AMZ2: variants seen among roughly 807,000 people sequenced by gnomAD.
AMZ2 encodes archaelysin family metallopeptidase 2, also known as archaemetzincin-2.
Under a neutral mutation model 36.7 loss-of-function variants are expected in AMZ2, and 26 were observed. That is an observed-to-expected ratio of 0.71 (90% CI 0.52 to 0.98). The LOEUF (loss-of-function observed/expected upper bound fraction) is 0.98. Ranked by LOEUF, AMZ2 falls within the 50% of genes least tolerant of loss-of-function variation. The probability of loss-of-function intolerance (pLI) is 0.00; values close to 1 mark genes in which losing one functional copy is unlikely to be tolerated. For synonymous variants in AMZ2, 144 were observed against 149.1 expected, an observed-to-expected ratio of 0.97 and a Z score of 0.25; for missense variants, 394 against 430.5, an observed-to-expected ratio of 0.92 and a Z score of 0.75.
intron 1 of AMZ2, among the ~76,000 whole-genome samples, chr17:68,234,853 G>A (rs2073749881): frequency 6.6e-6 from 1 of 151,728 alleles, no homozygotes; most frequent in Non-Finnish European, 1.5e-5. Context: ...CTGTCTCTAG[G>A]AAAATACAAA....
intron 1 of AMZ2, among the ~76,000 whole-genome samples, chr17:68,215,822 G>C (rs1225182378): frequency 6.6e-6 from 1 of 150,614 alleles, no homozygotes; most frequent in African/African-American, 2.4e-5. Context: ...CTTACCCTTT[G>C]GATATTCACT....
intron 1 of AMZ2, among the ~76,000 whole-genome samples, chr17:68,207,960 A>C (rs1277104038): frequency 1.3e-5 from 2 of 151,592 alleles, no homozygotes; most frequent in Non-Finnish European, 1.5e-5. Context: ...AGCAGCCGGC[A>C]GGCCCCGCCG....
At chr17:68,223,738 CGG>C (rs1395803197) in intron 1 of AMZ2, among the ~76,000 whole-genome samples, 1 of 143,740 alleles carries the variant, frequency 7.0e-6, no homozygotes, top group African/African-American at 2.6e-5. Context: ...TGTTTTGAGA[CGG>C]AGTCACGCTC....
At chr17:68,255,109 G>GT (rs2074796050) in intron 5 of AMZ2, among the ~76,000 whole-genome samples, 1 of 152,292 alleles carries the variant, frequency 6.6e-6, no homozygotes, top group African/African-American at 2.4e-5. Context: ...ATTTGTTGGG[G>GT]TTTGACAGCT....
intron 1 of AMZ2, among the ~76,000 whole-genome samples, chr17:68,226,195 C>T (rs1186219034): frequency 6.6e-6 from 1 of 152,202 alleles, no homozygotes; most frequent in East Asian, 1.9e-4. Flanking sequence ...TATCACTTCA[C>T]AAAGGAGTCA....
chr17:68,220,683 A>G (rs147753403), intron 1 of AMZ2, among the ~76,000 whole-genome samples: 3,029 of 151,928 alleles, frequency 0.02, 103 homozygotes, highest in African/African-American at 0.068. Flanking sequence ...AAGCCAAGAT[A>G]CCATTCGAGG....
intron 1 of AMZ2, among the ~76,000 whole-genome samples, chr17:68,209,627 TATA>T (rs2072970066): frequency 1.0e-4 from 11 of 108,102 alleles, no homozygotes; most frequent in Admixed American, 1.8e-4. Context: ...TATATATATA[TATA>T]TATTTTTTTT....
chr17:68,224,627 C>T (rs1330163012), intron 1 of AMZ2, among the ~76,000 whole-genome samples: 1 of 151,086 alleles, frequency 6.6e-6, no homozygotes, highest in African/African-American at 2.4e-5. Context: ...CTCACTGCAG[C>T]CTGCTGGGCT....
chr17:68,209,628 A>ATTTTTTT (rs1322446681), intron 1 of AMZ2, among the ~76,000 whole-genome samples: 3 of 98,530 alleles, frequency 3.0e-5, no homozygotes, highest in African/African-American at 1.5e-4. Context: ...ATATATATAT[A>ATTTTTTT]TATATTTTTT....
intron 1 of AMZ2, among the ~76,000 whole-genome samples, chr17:68,215,199 T>C (rs2073166192): frequency 6.6e-6 from 1 of 152,198 alleles, no homozygotes; most frequent in Non-Finnish European, 1.5e-5. Context: ...TAAATGTATA[T>C]TCTATGTCTT....
Position 68,250,987 on chromosome 17 carries a change from A to AAC in AMZ2, c.457+21_457+22insCA, listed in dbSNP as rs1555739394. On this transcript the variant is annotated intron_variant, in intron 3 of 6. Coordinates refer to ENST00000359904, the MANE Select transcript of AMZ2 (RefSeq NM_016627.5). ...ATGCAGGTGAATTACACGACTTTGCAATTCGAACTGAGTATATGTATATAA... is the reference window on the plus strand; with the variant it reads ...ATGCAGGTGAATTACACGACTTTGCAACATTCGAACTGAGTATATGTATATAA... 6.2e-7 allele frequency: 1 copy of AAC among 1,611,542 alleles called. No individual in the cohort carries two copies. Among genetic ancestry groups the AAC allele is most frequent in the African/African-American group, 1.3e-5 (1 of 74,716 alleles).
chr17:68,248,037 T>TGGCGCAGTGCGAAGG, upstream of AMZ2: 3 of 986,362 alleles, frequency 3.0e-6, no homozygotes, highest in Non-Finnish European at 3.6e-6. Flanking sequence ...GGGCGTGGCG[T>TGGCGCAGTGCGAAGG]GGCGCAGTGC....
chr17:68,239,318 G>C (rs1425132223), intron 1 of AMZ2, among the ~76,000 whole-genome samples: 2 of 152,158 alleles, frequency 1.3e-5, no homozygotes, highest in East Asian at 3.8e-4. Flanking sequence ...TGGGCTGCTT[G>C]CCTGCTGAGG....
chr17:68,226,065 G>A (rs1555729812), intron 1 of AMZ2, among the ~76,000 whole-genome samples: 2 of 152,206 alleles, frequency 1.3e-5, no homozygotes, highest in East Asian at 1.9e-4. Flanking sequence ...AAGCTGGCTC[G>A]CCCGGGAGCC....
chr17:68,224,129 G>T (rs2073446972), intron 1 of AMZ2, among the ~76,000 whole-genome samples: 1 of 152,142 alleles, frequency 6.6e-6, no homozygotes, highest in African/African-American at 2.4e-5. Flanking sequence ...TTTTAGTAGA[G>T]ACGGGGTTTT....
chr17:68,250,228 C>T lies in AMZ2; in HGVS notation c.41C>T (p.Ala14Val), dbSNP rs1156556255. 6.2e-7 allele frequency: 1 copy of T among 1,614,166 alleles called. No homozygotes were observed. The highest frequency in any genetic ancestry group is 2.2e-5 in the East Asian group (1 of 44,892). The change falls in exon 2 of 7, where the codon GCT (alanine) becomes GTT (valine). Residue 14 changes from alanine to valine, a missense_variant. By Grantham distance (64) the Ala-to-Val change is moderately conservative. Transcript: ENST00000359904. ...IRHSEQTLKTALISKNPVLVS... is the reference protein window; with the variant it reads ...IRHSEQTLKTVLISKNPVLVS... ...CACTCCGAACAGACACTAAAAACAG[C>T]TCTCATCTCAAAGAACCCAGTGCTT...
chr17:68,216,873 A>G (rs1300371350), intron 1 of AMZ2, among the ~76,000 whole-genome samples: 1 of 152,048 alleles, frequency 6.6e-6, no homozygotes, highest in Non-Finnish European at 1.5e-5. Flanking sequence ...TACTAAAAAC[A>G]CACAAAAAAA....
At chr17:68,213,887 C>T (rs1359182339) in intron 1 of AMZ2, among the ~76,000 whole-genome samples, 6 of 151,978 alleles carry the variant, frequency 3.9e-5, no homozygotes, top group Non-Finnish European at 7.4e-5. Flanking sequence ...TCCAACCCTA[C>T]TATCCAGTTT....
At chr17:68,207,681 G>A (rs1555724739) in intron 1 of AMZ2, among the ~76,000 whole-genome samples, 1 of 152,230 alleles carries the variant, frequency 6.6e-6, no homozygotes, top group Non-Finnish European at 1.5e-5. Context: ...CTAATGAGAG[G>A]TGACACCGTG....
Sources: allele counts gnomAD v4.1 joint callset (sites outside exome capture counted in the v4.1 genomes callset), GRCh38; gene constraint gnomAD v4.1.1; transcripts MANE v1.5; gene names NCBI Gene and HGNC (gene_info 2026-07-23, HGNC 2026-07-21).